The following SYTL5 variants were observed in gnomAD, a reference collection of about 807,000 sequenced individuals.
SYTL5 encodes synaptotagmin like 5, also known as synaptotagmin-like protein 5.
In SYTL5, 34 loss-of-function variants were observed where a neutral mutation model predicts 55.9. That is an observed-to-expected ratio of 0.61 (90% CI 0.46 to 0.81). The LOEUF is 0.81. Among genes scored for constraint, SYTL5 ranks in the 30% least tolerant of loss-of-function variants. The pLI is 0.00. For missense variants in SYTL5, 637 were observed against 546.7 expected (o/e 1.17, Z -1.65); for synonymous variants, 221 against 188.7 (o/e 1.17, Z -1.40).
At chrX:38,093,734 T>G (rs2147528267) in intron 7 of SYTL5, among the ~76,000 whole-genome samples, 1 of 111,540 alleles carries the variant, frequency 9.0e-6, no homozygotes, top group African/African-American at 3.3e-5. Context: ...TTTATTTTTT[T>G]ATGAACATTG....
intron 3 of SYTL5, among the ~76,000 whole-genome samples, chrX:38,070,807 T>A (rs1936240921): frequency 8.9e-6 from 1 of 111,923 alleles, no homozygotes; most frequent in South Asian, 3.7e-4. Flanking sequence ...ATATATTTAG[T>A]CTACCGAATG....
the SYTL5 span, among the ~76,000 whole-genome samples, chrX:37,963,649 A>T: frequency 8.9e-6 from 1 of 111,919 alleles, no homozygotes; most frequent in Admixed American, 9.5e-5. Context: ...TGGAGTATTT[A>T]GGGTTTTCTA....
chrX:37,898,355 T>C, the SYTL5 span, among the ~76,000 whole-genome samples: 6 of 111,829 alleles, frequency 5.4e-5, no homozygotes, highest in East Asian at 1.1e-3. Context: ...TAGCACTGCC[T>C]GAACTCAGGG....
At chrX:38,060,356 A>G (rs185408825) in intron 3 of SYTL5, among the ~76,000 whole-genome samples, 93 of 111,924 alleles carry the variant, frequency 8.3e-4, no homozygotes, top group African/African-American at 2.6e-3. Context: ...CCAAATTAAT[A>G]TAACCCTTTC....
chrX:38,080,051 T>G (rs1246671100), intron 6 of SYTL5, among the ~76,000 whole-genome samples: 1 of 111,472 alleles, frequency 9.0e-6, no homozygotes, highest in Non-Finnish European at 1.9e-5. Context: ...CTGACAACTC[T>G]TCTATAGGGG....
chrX:38,048,164 C>T (rs556159490), intron 2 of SYTL5, among the ~76,000 whole-genome samples: 44 of 109,014 alleles, frequency 4.0e-4, no homozygotes, highest in African/African-American at 1.4e-3. Flanking sequence ...CCAGCCTGGG[C>T]GACAGAGTGC....
chrX:37,940,471 A>C, the SYTL5 span, among the ~76,000 whole-genome samples: 1 of 96,866 alleles, frequency 1.0e-5, no homozygotes, highest in Admixed American at 1.1e-4. Context: ...ACAGAGCAAG[A>C]CTCCATCTAA....
At chrX:38,014,570 G>T (rs1934288266) in intron 1 of SYTL5, among the ~76,000 whole-genome samples, 1 of 111,997 alleles carries the variant, frequency 8.9e-6, no homozygotes, top group Non-Finnish European at 1.9e-5. Context: ...TGCCCAAGGT[G>T]ATTGGGACAC....
the SYTL5 span, among the ~76,000 whole-genome samples, chrX:37,963,645 A>G: frequency 8.9e-6 from 1 of 111,844 alleles, no homozygotes; most frequent in African/African-American, 3.3e-5. Flanking sequence ...ATTCTGGAGT[A>G]TTTAGGGTTT....
chrX:37,918,533 C>T, the SYTL5 span, among the ~76,000 whole-genome samples: 33 of 112,188 alleles, frequency 2.9e-4, no homozygotes, highest in East Asian at 6.4e-3. Context: ...TATGGGATAA[C>T]TAAATGCTTA....
At chrX:38,007,834 C>T (rs986018594) in intron 1 of SYTL5, among the ~76,000 whole-genome samples, 1 of 111,474 alleles carries the variant, frequency 9.0e-6, no homozygotes, top group Non-Finnish European at 1.9e-5. Flanking sequence ...CAACTAATAA[C>T]TGAGAAAATG....
chrX:37,944,575 G>A, the SYTL5 span, among the ~76,000 whole-genome samples: 1 of 111,449 alleles, frequency 9.0e-6, no homozygotes, highest in Admixed American at 9.6e-5. Flanking sequence ...CCCATGCCAA[G>A]TGGGCAGTGG....
chrX:38,077,223 A>G (rs1936414851), intron 6 of SYTL5, among the ~76,000 whole-genome samples: 1 of 111,747 alleles, frequency 8.9e-6, no homozygotes, highest in Non-Finnish European at 1.9e-5. Flanking sequence ...GTCAAGAAAA[A>G]TAATGAGAAA....
intron 2 of SYTL5, among the ~76,000 whole-genome samples, chrX:38,039,836 T>A (rs965686256): frequency 6.2e-5 from 7 of 112,097 alleles, no homozygotes; most frequent in Non-Finnish European, 9.4e-5. Context: ...TAGCAGTGAA[T>A]TTTTTAAACA....
At chrX:38,090,476 C>G (rs1045662008) in intron 7 of SYTL5, among the ~76,000 whole-genome samples, 1 of 111,680 alleles carries the variant, frequency 9.0e-6, no homozygotes, top group East Asian at 2.8e-4. Flanking sequence ...ATTAAATATT[C>G]TGTTGGAAGT....
At chrX:38,109,812 G>A (rs1216576887) in intron 12 of SYTL5, among the ~76,000 whole-genome samples, 1 of 110,702 alleles carries the variant, frequency 9.0e-6, no homozygotes, top group African/African-American at 3.3e-5. Context: ...TCTTCTTTCT[G>A]TTTAATATAC....
intron 1 of SYTL5, among the ~76,000 whole-genome samples, chrX:38,013,755 C>T (rs1194937814): frequency 9.0e-6 from 1 of 111,213 alleles, no homozygotes; most frequent in African/African-American, 3.3e-5. Context: ...GAACCTGTCA[C>T]TGACCTCACC....
chrX:37,940,519 G>A, the SYTL5 span, among the ~76,000 whole-genome samples: 9 of 104,024 alleles, frequency 8.7e-5, no homozygotes, highest in South Asian at 4.3e-4. Flanking sequence ...CAGTGATCTC[G>A]TTTCCCACAT....
intron 9 of SYTL5, among the ~76,000 whole-genome samples, chrX:38,098,746 G>A (rs751015448): frequency 2.8e-4 from 31 of 110,714 alleles, no homozygotes; most frequent in African/African-American, 9.8e-4. Context: ...AGACTTACAC[G>A]CGAATGGTTA....
Sources: allele counts gnomAD v4.1 joint callset (sites outside exome capture counted in the v4.1 genomes callset), GRCh38; gene constraint gnomAD v4.1.1; transcripts MANE v1.5; gene names NCBI Gene and HGNC (gene_info 2026-07-23, HGNC 2026-07-21).